Variants in ASXL3 observed in about 807,000 individuals in gnomAD.
ASXL3 encodes putative Polycomb group protein ASXL3.
In ASXL3, 34 loss-of-function variants were observed where a neutral mutation model predicts 170.6. The ratio of observed to expected loss-of-function variants is 0.20; its 90% CI spans 0.15 to 0.27. ASXL3 has a LOEUF of 0.27. Among genes scored for constraint, ASXL3 ranks in the 10% least tolerant of loss-of-function variants. The pLI is 1.00. For synonymous variants in ASXL3, 1,002 were observed against 989.1 expected (o/e 1.01, Z -0.24); for missense variants, 2,592 against 2,695.3 (o/e 0.96, Z 0.85).
chr18:33,710,379 C>G (rs1459216995), intron 8 of ASXL3, among the ~76,000 whole-genome samples: 1 of 152,200 alleles, frequency 6.6e-6, no homozygotes, highest in Non-Finnish European at 1.5e-5. Flanking sequence ...CTGTTATTGG[C>G]AATCGTTTTA....
chr18:33,738,858 A>G lies in ASXL3; in HGVS notation c.1454A>G (p.Asn485Ser), dbSNP rs151027205. 2.2e-4 allele frequency: 359 copies of G among 1,613,702 alleles called. No homozygotes were observed. Among genetic ancestry groups the G allele is most frequent in the African/African-American group, 1.7e-3 (125 of 75,042 alleles). ...EFSEEAESLT[N>S]SHEEPQIAPP... ...TCTGAGGAGGCTGAAAGTCTAACCAATTCTCATGAAGAACCCCAAATAGCA... is the reference window on the plus strand; with the variant it reads ...TCTGAGGAGGCTGAAAGTCTAACCAGTTCTCATGAAGAACCCCAAATAGCA... The change falls in exon 11 of 12, where the codon AAT becomes AGT. Residue 485 changes from asparagine (N) to serine (S), a missense_variant. Coordinates refer to ENST00000269197, the MANE Select transcript of ASXL3 (RefSeq NM_030632.3).
intron 4 of ASXL3, among the ~76,000 whole-genome samples, chr18:33,648,924 A>G (rs923002422): frequency 6.6e-6 from 1 of 152,050 alleles, no homozygotes; most frequent in African/African-American, 2.4e-5. Context: ...TACCTTTATG[A>G]GTGTATTGAT....
chr18:33,621,765 A>T (rs1251103272), intron 2 of ASXL3, among the ~76,000 whole-genome samples: 1 of 152,152 alleles, frequency 6.6e-6, no homozygotes. Flanking sequence ...TTTGTTTGGA[A>T]TGCATTTAAC....
At chr18:33,593,577 T>G (rs1051534431) in intron 1 of ASXL3, among the ~76,000 whole-genome samples, 1 of 152,184 alleles carries the variant, frequency 6.6e-6, no homozygotes, top group Non-Finnish European at 1.5e-5. Context: ...CACATGCATC[T>G]TAAACCAGAC....
chr18:33,749,579 T>G lies in ASXL3; in HGVS notation c.*2984T>G, dbSNP rs2067852452. 1 of 152,144 alleles carries G rather than the reference T, an allele frequency of 6.6e-6. No homozygotes were observed. The highest frequency in any genetic ancestry group is 1.5e-5 in the Non-Finnish European group (1 of 68,024). 9.4% of individuals were successfully genotyped at this position (152,144 alleles called of 1,614,324 possible). A position where few individuals can be genotyped will look rare whatever the true frequency, so the allele number is the denominator to read the frequency against. On this transcript the variant is annotated 3_prime_UTR_variant, in exon 12 of 12. Coordinates refer to ENST00000269197, the MANE Select transcript of ASXL3 (RefSeq NM_030632.3). ...AGGTGTATAAAGACATTTAGGTTAG[T>G]TAATGGGCATGTTAATAAGAGCATT...
rs549176879 is a variant in ASXL3, at chr18:33,640,555, A to T, written c.138-4339A>T. 2.0e-5 allele frequency among the ~76,000 whole-genome samples: 3 copies of T among 152,126 alleles called. No individual in the cohort carries two copies. The South Asian group carries it at 6.2e-4, about 31-fold the overall frequency. On this transcript the variant is annotated intron_variant, in intron 2 of 11. Transcript: ENST00000269197. ...AAGTGTACATTATTAATGTTTTAAC[A>T]TTCAAAAATAATTTTCGTGAAGTAT...
At chr18:33,677,033 C>G (rs962210866) in intron 7 of ASXL3, among the ~76,000 whole-genome samples, 2 of 152,300 alleles carry the variant, frequency 1.3e-5, no homozygotes, top group Middle Eastern at 3.4e-3. Context: ...TATACTTCTT[C>G]CTACCCAGTC....
intron 5 of ASXL3, among the ~76,000 whole-genome samples, chr18:33,666,280 A>G (rs55916387): frequency 0.025 from 3,848 of 152,290 alleles, 61 homozygotes; most frequent in Middle Eastern, 0.044. Context: ...TGTCTCATTT[A>G]TATCCCCCCC....
intron 8 of ASXL3, among the ~76,000 whole-genome samples, chr18:33,696,765 T>C (rs1437898890): frequency 6.6e-6 from 1 of 152,112 alleles, no homozygotes; most frequent in Non-Finnish European, 1.5e-5. Flanking sequence ...GTTTCCAGGC[T>C]GTGCTTGCTA....
chr18:33,651,712 A>T (rs1377011204), intron 4 of ASXL3, among the ~76,000 whole-genome samples: 1 of 152,148 alleles, frequency 6.6e-6, no homozygotes, highest in Non-Finnish European at 1.5e-5. Context: ...TTGAGAAGAA[A>T]GTATTTTGTA....
intron 1 of ASXL3, among the ~76,000 whole-genome samples, chr18:33,595,521 C>T (rs1756667267): frequency 2.0e-5 from 3 of 152,062 alleles, no homozygotes. Context: ...GTCATCTAAC[C>T]AATTTAATGA....
At position 33,744,059 on chromosome 18, in the gene ASXL3, C is replaced by T. The variant is rs374695099; in HGVS notation, c.4211C>T (p.Thr1404Ile). Residue 1404 changes from threonine to isoleucine, a missense_variant, in exon 12 of 12, where the codon ACA becomes ATA. Thr to Ile is a moderately conservative substitution (Grantham distance 89, BLOSUM62 -1). This residue lies in a region of ASXL3 where 2,246 missense variants were observed against 2,219.6 expected (regional missense o/e 1.01). Transcript: ENST00000269197. Reference protein sequence around the residue: ...ALSCSDSVAVTDSLVAHPTVA... With the variant: ...ALSCSDSVAVIDSLVAHPTVA... ...AGCTGCAGTGATTCTGTAGCGGTCA[C>T]AGACTCTCTGGTTGCACACCCGACC... The T allele has an allele frequency of 3.1e-6, 5 of 1,613,932 alleles. No individual in the cohort carries two copies. The highest frequency in any genetic ancestry group is 4.2e-6 in the Non-Finnish European group (5 of 1,179,914).
Position 33,705,638 on chromosome 18 carries a change from T to C in ASXL3, c.879+22070T>C, listed in dbSNP as rs149840689. Among the ~76,000 whole-genome samples, 948 of 152,038 alleles carry C rather than the reference T, an allele frequency of 6.2e-3. 7 individuals carry two copies. Among genetic ancestry groups the C allele is most frequent in the Middle Eastern group, 0.041 (12 of 294 alleles). ...TTTCTGATATTATGAATGCCAAATG[T>C]TCCTCAACTACTGTATTTATCTTTA... On this transcript the variant is annotated intron_variant, in intron 8 of 11. Coordinates refer to ENST00000269197, the MANE Select transcript of ASXL3 (RefSeq NM_030632.3).
rs1437866372 is a variant in ASXL3, at chr18:33,747,148, G to A, written c.*553G>A. 6.6e-6 allele frequency: 1 copy of A among 152,272 alleles called. No individual in the cohort carries two copies. The highest frequency in any genetic ancestry group is 1.5e-5 in the Non-Finnish European group (1 of 68,114). The allele number at this position is 152,272 out of a possible 1,614,324, so 9.4% of individuals were successfully genotyped here. On this transcript the variant is annotated 3_prime_UTR_variant, in exon 12 of 12. Transcript: ENST00000269197. Reference sequence around the variant, plus strand: ...ACAAAAGATATATTAAAGGAGGTATGCCATTAATGAAATCCACTGTCCTGA... The same window carrying A: ...ACAAAAGATATATTAAAGGAGGTATACCATTAATGAAATCCACTGTCCTGA...
chr18:33,719,916 T>C lies in ASXL3; in HGVS notation c.880-12052T>C, dbSNP rs535103357. ...CTGCCCAGTCTATGGTACTTTGTTA[T>C]TGCAGACCAGACAGACTAAGGCACC... On this transcript the variant is annotated intron_variant, in intron 8 of 11. Transcript: ENST00000269197. Among the ~76,000 whole-genome samples, 7 of 152,172 alleles carry C rather than the reference T, an allele frequency of 4.6e-5. No individual in the cohort carries two copies. The South Asian group carries it at 1.0e-3, about 23-fold the overall frequency.
intron 8 of ASXL3, among the ~76,000 whole-genome samples, chr18:33,730,796 C>T (rs890840921): frequency 1.6e-4 from 24 of 152,102 alleles, no homozygotes; most frequent in African/African-American, 5.1e-4. Context: ...ATATGAGTGG[C>T]TTAACAAGTA....
intron 2 of ASXL3, among the ~76,000 whole-genome samples, chr18:33,640,363 A>G (rs2065826919): frequency 6.6e-6 from 1 of 152,054 alleles, no homozygotes; most frequent in African/African-American, 2.4e-5. Context: ...TGACAATAAT[A>G]TCTCCCAAGA....
chr18:33,608,602 C>A (rs1050794554), intron 2 of ASXL3, among the ~76,000 whole-genome samples: 3 of 151,898 alleles, frequency 2.0e-5, no homozygotes, highest in African/African-American at 4.8e-5. Context: ...TAGGATAAAA[C>A]AACTATGATG....
chr18:33,670,378 A>G (rs1036793500), intron 5 of ASXL3, among the ~76,000 whole-genome samples: 1 of 152,262 alleles, frequency 6.6e-6, no homozygotes, highest in African/African-American at 2.4e-5. Context: ...TTCAAATTCC[A>G]TGGACTCTCA....
Sources: allele counts gnomAD v4.1 joint callset (sites outside exome capture counted in the v4.1 genomes callset), GRCh38; gene constraint gnomAD v4.1.1; regional missense constraint gnomAD v4.1.1; transcripts MANE v1.5; gene names NCBI Gene and HGNC (gene_info 2026-07-23, HGNC 2026-07-21).